CRYZ: variants seen among roughly 807,000 people sequenced by gnomAD.
CRYZ encodes crystallin zeta, also known as zeta-crystallin.
In CRYZ, 35 loss-of-function variants were observed where a neutral mutation model predicts 34.1. The ratio of observed to expected loss-of-function variants is 1.03; its 90% CI spans 0.78 to 1.36. The LOEUF is 1.36. Among genes scored for constraint, CRYZ ranks in the 40% most tolerant of loss-of-function variants. The pLI, the probability that CRYZ is intolerant of heterozygous loss-of-function variation, is 0.00. For missense variants in CRYZ, 403 were observed against 391.8 expected (o/e 1.03, Z -0.24); for synonymous variants, 137 against 136.5 (o/e 1.00, Z -0.03).
In CRYZ at chr1:74,723,192, G is replaced by A; in HGVS notation, c.190C>T (p.Leu64Phe). 3 of 1,614,068 alleles carry A rather than the reference G, an allele frequency of 1.9e-6. No individual in the cohort carries two copies. Among genetic ancestry groups the A allele is most frequent in the Non-Finnish European group, 2.5e-6 (3 of 1,179,928 alleles). Reference sequence around the variant, plus strand: ...TCTGAGCCAGGAGTATAGGGTAAGAGTGGTTTTCTACTATAAGTACCAGAG... The same window carrying A: ...TCTGAGCCAGGAGTATAGGGTAAGAATGGTTTTCTACTATAAGTACCAGAG... Reference protein sequence around the residue: ...IRSGTYSRKPLLPYTPGSDVA... With the variant: ...IRSGTYSRKPFLPYTPGSDVA... Residue 64 changes from leucine to phenylalanine, a missense_variant, in exon 3 of 9, where the codon CTC becomes TTC. Transcript: ENST00000340866.
chr1:74,726,847 A>C (rs1335647643), intron 1 of CRYZ, among the ~76,000 whole-genome samples: 2 of 152,210 alleles, frequency 1.3e-5, no homozygotes, highest in Admixed American at 6.5e-5. Flanking sequence ...TTTACTGCTT[A>C]GAAATTTCTT....
intron 6 of CRYZ, chr1:74,707,752 C>T (rs1646949270): frequency 6.6e-6 from 1 of 152,220 alleles, no homozygotes; most frequent in Non-Finnish European, 1.5e-5. Flanking sequence ...CTACACACAT[C>T]TACATTATAT....
At chr1:74,729,646 C>CAAAA (rs143083074) in intron 1 of CRYZ, among the ~76,000 whole-genome samples, 1 of 68,502 alleles carries the variant, frequency 1.5e-5, no homozygotes, top group African/African-American at 5.1e-5. Flanking sequence ...GACCCTGTCT[C>CAAAA]AAAAAAAAAA....
rs140387268 is a variant in CRYZ, at chr1:74,712,179, G to C, written c.481-1932C>G. ...AATAACAATACTAGGAAATATATCTGATTAGATGACAAATGATGGTACAAA... is the reference window on the plus strand; with the variant it reads ...AATAACAATACTAGGAAATATATCTCATTAGATGACAAATGATGGTACAAA... On this transcript the variant is annotated intron_variant, in intron 5 of 8. Coordinates refer to ENST00000340866, the MANE Select transcript of CRYZ (RefSeq NM_001889.4). Among the ~76,000 whole-genome samples, 213 of 152,336 alleles carry C rather than the reference G, an allele frequency of 1.4e-3. 2 individuals are homozygous for C. Among genetic ancestry groups the C allele is most frequent in the African/African-American group, 4.9e-3 (202 of 41,584 alleles).
chr1:74,714,595 T>C lies in CRYZ; in HGVS notation c.464A>G (p.His155Arg), dbSNP rs1299253372. 2 of 1,613,778 alleles carry C rather than the reference T, an allele frequency of 1.2e-6. No individual in the cohort carries two copies. ...AATACTTACTCCTCCACTTGCCCCA[T>C]GAACCAGAACACTCTCTCCAGCTTT... ...CVKAGESVLV[H>R]GASGGVGLAA... The change falls in exon 5 of 9, where the codon CAT becomes CGT. Residue 155 changes from histidine to arginine, a missense_variant. His to Arg is a conservative substitution (Grantham distance 29). Coordinates refer to ENST00000340866, the MANE Select transcript of CRYZ (RefSeq NM_001889.4).
At chr1:74,724,915 C>A in intron 1 of CRYZ, 81 bp from the exon 2 acceptor site, 1 of 735,004 alleles carries the variant, frequency 1.4e-6, no homozygotes, top group Non-Finnish European at 2.3e-6. Context: ...GGGAGCAGAT[C>A]AAACAATTTT....
In CRYZ at chr1:74,705,574, T is replaced by A. The variant is rs1157743179; in HGVS notation, c.*722A>T. 6.6e-6 allele frequency: 1 copy of A among 152,120 alleles called. No homozygotes were observed. Among genetic ancestry groups the A allele is most frequent in the Admixed American group, 6.6e-5 (1 of 15,256 alleles). 9.4% of individuals were successfully genotyped at this position (152,120 alleles called of 1,614,324 possible). On this transcript the variant is annotated 3_prime_UTR_variant, in exon 9 of 9. Coordinates refer to ENST00000340866, the MANE Select transcript of CRYZ (RefSeq NM_001889.4). Reference sequence around the variant, plus strand: ...AATTTATCAAATTTGTGAGCTTAATTAACAAAAATATTTGACCCTCACCAG... The same window carrying A: ...AATTTATCAAATTTGTGAGCTTAATAAACAAAAATATTTGACCCTCACCAG...
chr1:74,710,843 G>A (rs1331805792), intron 5 of CRYZ, among the ~76,000 whole-genome samples: 1 of 152,224 alleles, frequency 6.6e-6, no homozygotes, highest in African/African-American at 2.4e-5. Context: ...TATTCTAAGG[G>A]TGGAGGAAGA....
intron 4 of CRYZ, 47 bp from the exon 5 acceptor site, chr1:74,714,677 T>A: frequency 6.3e-7 from 1 of 1,598,804 alleles, no homozygotes; most frequent in Non-Finnish European, 8.6e-7. Context: ...TTGAAGCTAA[T>A]TAATCTCGGG....
intron 4 of CRYZ, 105 bp from the exon 5 acceptor site, chr1:74,714,735 TACAC>T (rs1647048926): frequency 9.2e-7 from 1 of 1,092,034 alleles, no homozygotes. Context: ...GGCTAACACT[TACAC>T]AAACAGCAAA....
intron 6 of CRYZ, chr1:74,707,837 C>T (rs574259303): frequency 5.3e-5 from 8 of 152,154 alleles, no homozygotes; most frequent in Admixed American, 2.6e-4. Flanking sequence ...AATACAAATA[C>T]AAACATAGGG....
chr1:74,723,620 T>C (rs1236816021), intron 2 of CRYZ, among the ~76,000 whole-genome samples: 1 of 152,190 alleles, frequency 6.6e-6, no homozygotes, highest in Non-Finnish European at 1.5e-5. Context: ...AGTAGCCAAG[T>C]AACTGAGTTC....
chr1:74,723,048 T>C, intron 3 of CRYZ, 70 bp downstream of exon 3: 1 of 1,504,674 alleles, frequency 6.6e-7, no homozygotes, highest in Non-Finnish European at 9.1e-7. Flanking sequence ...TAAGATGCAG[T>C]TGAAAGCTAT....
At chr1:74,706,845 G>C in intron 8 of CRYZ, 54 bp downstream of exon 8, 1 of 1,457,422 alleles carries the variant, frequency 6.9e-7, no homozygotes, top group African/African-American at 1.4e-5. Context: ...TGCCTGAGTA[G>C]GCAAACTGTA....
In CRYZ at chr1:74,707,120, G is replaced by A. The variant is rs562504674; in HGVS notation, c.715C>T (p.His239Tyr). The A allele has an allele frequency of 3.8e-6, 6 of 1,580,346 alleles. No homozygotes were observed. The African/African-American group carries it at 4.1e-5, about 11-fold the overall frequency. ...ATACTTACTATCACTCGTCCTCCAT[G>A]TGACAGAAGACTCAAGTCTTTACTA... ...NLSKDLSLLSHGGRVIVVGSR... is the reference protein window; with the variant it reads ...NLSKDLSLLSYGGRVIVVGSR... Residue 239 changes from histidine to tyrosine, a missense_variant, in exon 7 of 9, where the codon CAT becomes TAT. By Grantham distance (83) the His-to-Tyr change is moderately conservative. Transcript: ENST00000340866.
chr1:74,728,967 C>T (rs1249793520), intron 1 of CRYZ, among the ~76,000 whole-genome samples: 2 of 152,122 alleles, frequency 1.3e-5, no homozygotes, highest in Admixed American at 6.6e-5. Context: ...AAAAACAGTC[C>T]AGTCCTACTC....
In CRYZ at chr1:74,724,903, G is replaced by A. The variant is rs550890259; in HGVS notation, c.-13-69C>T. ...GATATCACCATGTTTTTCCCCCCTGGAGGGAGCAGATCAAACAATTTTTTC... is the reference window on the plus strand; with the variant it reads ...GATATCACCATGTTTTTCCCCCCTGAAGGGAGCAGATCAAACAATTTTTTC... On this transcript the variant is annotated intron_variant, in intron 1 of 8. Coordinates refer to ENST00000340866, the MANE Select transcript of CRYZ (RefSeq NM_001889.4). The A allele has an allele frequency of 9.9e-5, 85 of 855,470 alleles. No individual in the cohort carries two copies. The African/African-American group carries it at 1.2e-3, about 12-fold the overall frequency. The allele number at this position is 855,470 out of a possible 1,614,324, so 53.0% of individuals were successfully genotyped here. A position where few individuals can be genotyped will look rare whatever the true frequency, so the allele number is the denominator to read the frequency against.
At chr1:74,729,772 T>C (rs986531865) in intron 1 of CRYZ, among the ~76,000 whole-genome samples, 1 of 152,180 alleles carries the variant, frequency 6.6e-6, no homozygotes, top group Non-Finnish European at 1.5e-5. Context: ...CAAAACAAGC[T>C]CTTATTCTCA....
chr1:74,713,830 A>G (rs903079762), intron 5 of CRYZ, among the ~76,000 whole-genome samples: 16 of 152,068 alleles, frequency 1.1e-4, no homozygotes, highest in Admixed American at 9.2e-4. Context: ...CTTATCTCCA[A>G]AATTTCCAAA....
Sources: allele counts gnomAD v4.1 joint callset (sites outside exome capture counted in the v4.1 genomes callset), GRCh38; gene constraint gnomAD v4.1.1; transcripts MANE v1.5; gene names NCBI Gene and HGNC (gene_info 2026-07-23, HGNC 2026-07-21).